The following PIP5K1B variants were observed in gnomAD, a reference collection of about 807,000 sequenced individuals.
PIP5K1B encodes phosphatidylinositol-4-phosphate 5-kinase type 1 beta.
A neutral mutation model predicts 67.0 loss-of-function variants in PIP5K1B; 42 were observed. The ratio of observed to expected loss-of-function variants is 0.63; its 90% CI spans 0.49 to 0.81. The LOEUF is 0.81. Among genes scored for constraint, PIP5K1B ranks in the 30% least tolerant of loss-of-function variants. PIP5K1B has a pLI of 0.00. For missense variants in PIP5K1B, 459 were observed against 646.3 expected, an observed-to-expected ratio of 0.71 and a Z score of 3.14; for synonymous variants, 214 against 231.4, an observed-to-expected ratio of 0.92 and a Z score of 0.68.
intron 14 of PIP5K1B, among the ~76,000 whole-genome samples, chr9:68,983,678 T>TA (rs1829983846): frequency 6.6e-6 from 1 of 152,226 alleles, no homozygotes; most frequent in South Asian, 2.1e-4. Context: ...CTCATGCCTG[T>TA]AATGGCAGTG....
chr9:68,988,227 C>A (rs1481016097), intron 14 of PIP5K1B, among the ~76,000 whole-genome samples: 9 of 151,546 alleles, frequency 5.9e-5, no homozygotes, highest in Non-Finnish European at 1.3e-4. Flanking sequence ...GCATTCCTTC[C>A]CTTTTTCTGT....
chr9:68,899,359 G>C (rs1327005343), intron 8 of PIP5K1B, among the ~76,000 whole-genome samples: 1 of 152,112 alleles, frequency 6.6e-6, no homozygotes. Context: ...GAGGAGCAAG[G>C]CTTAATCTAT....
At chr9:68,789,235 C>T in intron 2 of PIP5K1B, 2 of 484,592 alleles carry the variant, frequency 4.1e-6, no homozygotes, top group South Asian at 3.7e-5. Flanking sequence ...GTGTTGACAA[C>T]TGTTCGAAGG....
chr9:68,857,581 G>A (rs915166149), intron 4 of PIP5K1B, among the ~76,000 whole-genome samples: 8 of 152,196 alleles, frequency 5.3e-5, no homozygotes, highest in African/African-American at 1.2e-4. Context: ...ATGAAGGAAC[G>A]TGGACCAGGT....
chr9:68,887,952 G>A (rs1295590056), intron 6 of PIP5K1B, among the ~76,000 whole-genome samples: 1 of 151,752 alleles, frequency 6.6e-6, no homozygotes, highest in African/African-American at 2.4e-5. Flanking sequence ...CCTGGCCGAG[G>A]GGAAGGAGTG....
At chr9:68,975,006 G>A (rs1829565683) in intron 14 of PIP5K1B, among the ~76,000 whole-genome samples, 1 of 152,184 alleles carries the variant, frequency 6.6e-6, no homozygotes, top group Non-Finnish European at 1.5e-5. Flanking sequence ...ACTAATAAAG[G>A]TTTAAAAAAT....
At chr9:68,977,844 T>C (rs1169315873) in intron 14 of PIP5K1B, among the ~76,000 whole-genome samples, 1 of 151,924 alleles carries the variant, frequency 6.6e-6, no homozygotes, top group Admixed American at 6.6e-5. Context: ...TTAGTAGAGA[T>C]GTGGTTTCAC....
At chr9:68,793,742 G>A (rs1832131663) in intron 2 of PIP5K1B, among the ~76,000 whole-genome samples, 1 of 152,086 alleles carries the variant, frequency 6.6e-6, no homozygotes, top group East Asian at 1.9e-4. Flanking sequence ...TTCAAGTGGA[G>A]GCATCAAGTA....
At chr9:68,762,484 A>T (rs1379136494) in intron 2 of PIP5K1B, among the ~76,000 whole-genome samples, 2 of 152,142 alleles carry the variant, frequency 1.3e-5, no homozygotes, top group Admixed American at 6.6e-5. Flanking sequence ...CGTCTTTGGA[A>T]ATGCCACATC....
intron 6 of PIP5K1B, among the ~76,000 whole-genome samples, chr9:68,877,465 A>C (rs1199143067): frequency 6.6e-6 from 1 of 152,202 alleles, no homozygotes; most frequent in Non-Finnish European, 1.5e-5. Flanking sequence ...GGTTTGTTTC[A>C]TAATTTGATC....
intron 2 of PIP5K1B, among the ~76,000 whole-genome samples, chr9:68,786,933 G>A (rs867731972): frequency 6.6e-6 from 1 of 152,128 alleles, no homozygotes; most frequent in African/African-American, 2.4e-5. Flanking sequence ...TTGGGATTCA[G>A]TACCACCCCC....
intron 15 of PIP5K1B, among the ~76,000 whole-genome samples, chr9:69,000,710 G>T (rs1209570858): frequency 6.6e-6 from 1 of 152,150 alleles, no homozygotes; most frequent in Non-Finnish European, 1.5e-5. Flanking sequence ...GTTTTAATCT[G>T]ATTACCTCTA....
At chr9:68,915,930 G>GGTGGCATCCATGAA (rs1256437936) in intron 8 of PIP5K1B, among the ~76,000 whole-genome samples, 2 of 152,126 alleles carry the variant, frequency 1.3e-5, no homozygotes, top group African/African-American at 4.8e-5. Context: ...CCTTTTCTCA[G>GGTGGCATCCATGAA]GTGGCATCCA....
chr9:68,943,655 GAAAAGAAAAAA>G (rs1283673961), intron 14 of PIP5K1B, among the ~76,000 whole-genome samples: 1 of 149,668 alleles, frequency 6.7e-6, no homozygotes, highest in Non-Finnish European at 1.5e-5. Flanking sequence ...AAAATGCATT[GAAAAGAAAAAA>G]AAAAGAAAGA....
At chr9:68,919,612 A>G in intron 10 of PIP5K1B, 50 bp downstream of exon 10, 1 of 1,404,428 alleles carries the variant, frequency 7.1e-7, no homozygotes, top group Non-Finnish European at 1.0e-6. Context: ...CAATCTACAA[A>G]AGGTTCTGAA....
In PIP5K1B at chr9:68,960,658, A is replaced by G. The variant is rs151232747; in HGVS notation, c.1502+19868A>G. Reference sequence around the variant, plus strand: ...ACAGCCCTCTAATTCAATCAATTCTACTGTTACGTTTTTACTTTCCAGGAC... The same window carrying G: ...ACAGCCCTCTAATTCAATCAATTCTGCTGTTACGTTTTTACTTTCCAGGAC... On this transcript the variant is annotated intron_variant, in intron 14 of 15. Coordinates refer to ENST00000265382, the MANE Select transcript of PIP5K1B (RefSeq NM_003558.4). Among the ~76,000 whole-genome samples, 1,172 of 152,088 alleles carry G rather than the reference A, an allele frequency of 7.7e-3. 17 individuals are homozygous for G. The highest frequency in any genetic ancestry group is 0.027 in the African/African-American group (1,123 of 41,466).
At chr9:68,909,067 G>GT (rs1564223905) in intron 8 of PIP5K1B, among the ~76,000 whole-genome samples, 1 of 152,066 alleles carries the variant, frequency 6.6e-6, no homozygotes, top group African/African-American at 2.4e-5. Flanking sequence ...ATTAATTTCT[G>GT]TTTTTTTCTC....
chr9:68,729,468 C>G (rs1374334964), intron 1 of PIP5K1B, among the ~76,000 whole-genome samples: 1 of 152,078 alleles, frequency 6.6e-6, no homozygotes, highest in Non-Finnish European at 1.5e-5. Flanking sequence ...AATTTCTTAA[C>G]ATGTTCAACT....
intron 5 of PIP5K1B, among the ~76,000 whole-genome samples, chr9:68,873,849 A>G (rs1409279461): frequency 6.6e-6 from 1 of 152,196 alleles, no homozygotes; most frequent in Non-Finnish European, 1.5e-5. Flanking sequence ...CTGGACTATA[A>G]AATCCATCAT....
Sources: allele counts gnomAD v4.1 joint callset (sites outside exome capture counted in the v4.1 genomes callset), GRCh38; gene constraint gnomAD v4.1.1; transcripts MANE v1.5; gene names NCBI Gene and HGNC (gene_info 2026-07-23, HGNC 2026-07-21).